Variants in AGBL1 observed in about 807,000 individuals in gnomAD.
AGBL1 encodes the protein AGBL carboxypeptidase 1.
In AGBL1, 130 loss-of-function variants were observed where a neutral mutation model predicts 118.9. That is an observed-to-expected ratio of 1.09 (90% confidence interval 0.95 to 1.26). The LOEUF (loss-of-function observed/expected upper bound fraction) is 1.26, where lower values mean the gene tolerates loss of function less well. Among genes scored for constraint, AGBL1 ranks in the 50% most tolerant of loss-of-function variants. The pLI is 0.00. For missense variants in AGBL1, 1,584 were observed against 1,298.1 expected (o/e 1.22, Z -3.38); for synonymous variants, 555 against 478.9 (o/e 1.16, Z -2.08).
intron 22 of AGBL1, among the ~76,000 whole-genome samples, chr15:86,746,204 C>A (rs1279461117): frequency 1.3e-5 from 2 of 152,098 alleles, no homozygotes; most frequent in Non-Finnish European, 2.9e-5. Context: ...GAAGTAGACT[C>A]CTTCCGCACA....
chr15:86,583,953 G>A (rs971642169), intron 21 of AGBL1, among the ~76,000 whole-genome samples: 7 of 141,696 alleles, frequency 4.9e-5, no homozygotes, highest in African/African-American at 1.3e-4. Context: ...GATGTGGAAC[G>A]TTTTTTCATG....
chr15:86,967,789 G>A (rs999611171), intron 23 of AGBL1, among the ~76,000 whole-genome samples: 6 of 152,108 alleles, frequency 3.9e-5, no homozygotes, highest in African/African-American at 1.2e-4. Context: ...TTTTGGCTTA[G>A]GATTGACTTG....
chr15:86,319,186 A>T (rs552596619), intron 17 of AGBL1, among the ~76,000 whole-genome samples: 3 of 152,270 alleles, frequency 2.0e-5, no homozygotes, highest in Admixed American at 2.0e-4. Context: ...AACCGAGTAT[A>T]TACTTAGAAG....
At chr15:86,844,671 T>G (rs1026481728) in intron 22 of AGBL1, among the ~76,000 whole-genome samples, 5 of 152,172 alleles carry the variant, frequency 3.3e-5, no homozygotes, top group African/African-American at 1.2e-4. Context: ...GCATTTTATT[T>G]TCTTTATGGT....
chr15:86,800,126 A>C (rs1012175352), intron 22 of AGBL1, among the ~76,000 whole-genome samples: 1 of 152,114 alleles, frequency 6.6e-6, no homozygotes, highest in Non-Finnish European at 1.5e-5. Flanking sequence ...AGCAAAAAAC[A>C]CCTGCACCAC....
intron 22 of AGBL1, among the ~76,000 whole-genome samples, chr15:86,831,731 A>G (rs973989787): frequency 1.3e-5 from 2 of 152,138 alleles, no homozygotes; most frequent in African/African-American, 2.4e-5. Flanking sequence ...GGCACATGGT[A>G]CAAGCTGTCA....
chr15:86,873,364 A>G (rs1414164795), intron 22 of AGBL1, among the ~76,000 whole-genome samples: 4 of 151,138 alleles, frequency 2.6e-5, no homozygotes, highest in Non-Finnish European at 5.9e-5. Context: ...TAAGATATTA[A>G]TAATGAGAAT....
At chr15:86,606,467 A>G (rs2084579256) in intron 21 of AGBL1, among the ~76,000 whole-genome samples, 1 of 152,188 alleles carries the variant, frequency 6.6e-6, no homozygotes, top group East Asian at 1.9e-4. Context: ...GTTTATTGGT[A>G]TCTGACATTA....
At chr15:86,612,212 A>G (rs866204921) in intron 21 of AGBL1, among the ~76,000 whole-genome samples, 8 of 152,186 alleles carry the variant, frequency 5.3e-5, no homozygotes, top group Middle Eastern at 3.4e-3. Flanking sequence ...AGGATGCATC[A>G]CCTCCATGAG....
At chr15:86,411,864 C>T (rs1314054736) in intron 18 of AGBL1, among the ~76,000 whole-genome samples, 1 of 152,106 alleles carries the variant, frequency 6.6e-6, no homozygotes, top group South Asian at 2.1e-4. Context: ...GTAGTGATTA[C>T]AGCAGGATTT....
intron 17 of AGBL1, among the ~76,000 whole-genome samples, chr15:86,327,551 C>A (rs144577638): frequency 1.9e-3 from 282 of 152,282 alleles, no homozygotes; most frequent in African/African-American, 6.5e-3. Flanking sequence ...ACCTAAGAGA[C>A]AATAAATCTT....
At chr15:86,967,954 A>G (rs1350945780) in intron 23 of AGBL1, among the ~76,000 whole-genome samples, 10 of 152,102 alleles carry the variant, frequency 6.6e-5, no homozygotes, top group Admixed American at 6.6e-4. Context: ...CTTCCTACCC[A>G]TGAGCATAGA....
At chr15:86,410,908 A>AT (rs1291045059) in intron 18 of AGBL1, among the ~76,000 whole-genome samples, 1 of 121,898 alleles carries the variant, frequency 8.2e-6, no homozygotes, top group Non-Finnish European at 1.6e-5. Context: ...TATTATATAT[A>AT]ATATATGTTA....
intron 21 of AGBL1, among the ~76,000 whole-genome samples, chr15:86,663,929 A>G (rs146615635): frequency 2.0e-5 from 3 of 152,236 alleles, no homozygotes; most frequent in Admixed American, 6.5e-5. Context: ...TACCCTCTGT[A>G]TGCATCCTCT....
chr15:86,549,203 T>A (rs2083630402), intron 20 of AGBL1, among the ~76,000 whole-genome samples: 1 of 152,072 alleles, frequency 6.6e-6, no homozygotes, highest in African/African-American at 2.4e-5. Flanking sequence ...TGGAAAAATA[T>A]ATGTCTCTAG....
chr15:86,272,596 T>G (rs1224363487), intron 15 of AGBL1, among the ~76,000 whole-genome samples: 1 of 152,178 alleles, frequency 6.6e-6, no homozygotes, highest in East Asian at 1.9e-4. Context: ...GTATATACCC[T>G]TATGCCTCTT....
intron 1 of AGBL1, among the ~76,000 whole-genome samples, chr15:86,123,482 C>T (rs148741136): frequency 7.9e-4 from 121 of 152,234 alleles, no homozygotes; most frequent in African/African-American, 2.7e-3. Flanking sequence ...TGAGGTGATC[C>T]GCCTGCCTCG....
chr15:86,228,743 A>G (rs2078407097), intron 6 of AGBL1, among the ~76,000 whole-genome samples: 1 of 152,244 alleles, frequency 6.6e-6, no homozygotes, highest in Non-Finnish European at 1.5e-5. Context: ...CTGCATGAAA[A>G]GCCAGTGTAG....
At chr15:86,863,117 A>C (rs1035275516) in intron 22 of AGBL1, among the ~76,000 whole-genome samples, 1 of 152,198 alleles carries the variant, frequency 6.6e-6, no homozygotes, top group African/African-American at 2.4e-5. Flanking sequence ...GATAGATTCC[A>C]TGCGTATAAA....
Sources: gnomAD v4.1 joint callset for allele counts (sites outside exome capture counted in the v4.1 genomes callset) on GRCh38, gnomAD v4.1.1 for gene constraint, MANE v1.5 for transcripts, NCBI Gene and HGNC (gene_info 2026-07-23, HGNC 2026-07-21) for gene names.